Variants in CACNA1I observed in about 807,000 individuals in gnomAD.
CACNA1I encodes the protein voltage-dependent T-type calcium channel subunit alpha-1I.
Under a neutral mutation model 201.6 loss-of-function variants are expected in CACNA1I, and 74 were observed. The observed-to-expected ratio is 0.37, with a 90% CI of 0.30 to 0.45. The LOEUF (loss-of-function observed/expected upper bound fraction) is 0.45. CACNA1I is among the 20% of genes least tolerant of loss of function. The pLI is 1.00. For missense variants in CACNA1I, 2,346 were observed against 3,138.1 expected (o/e 0.75, Z 6.03); for synonymous variants, 1,431 against 1,345.2 (o/e 1.06, Z -1.40).
At position 39,608,733 on chromosome 22, in the gene CACNA1I, T is replaced by C. The variant is rs915036352; in HGVS notation, c.482+8080T>C. On this transcript the variant is annotated intron_variant, in intron 3 of 36. Coordinates refer to ENST00000402142, the MANE Select transcript of CACNA1I (RefSeq NM_021096.4). ...TACTCAGGAGGCTGAGGTGGGAGGA[T>C]TGCTTGAGGCTGGGAGGCGGAGGTT... Among the ~76,000 whole-genome samples the C allele has an allele frequency of 5.9e-5, 9 of 151,770 alleles. No individual in the cohort carries two copies. The East Asian group carries it at 7.8e-4, about 13-fold the overall frequency.
Position 39,629,866 on chromosome 22 carries a change from G to GC in CACNA1I, c.581-4693dup, listed in dbSNP as rs1934008219. 1.3e-5 allele frequency among the ~76,000 whole-genome samples: 2 copies of GC among 152,044 alleles called. No homozygotes were observed. Among genetic ancestry groups the GC allele is most frequent in the Non-Finnish European group, 2.9e-5 (2 of 68,008 alleles). On this transcript the variant is annotated intron_variant, in intron 4 of 36. Transcript: ENST00000402142. The surrounding 1 kb of genome is among the most constrained non-coding windows in gnomAD (Gnocchi z 4.8). ...CTGATGCTCTCTCTCCTCTGCCCTG[G>GC]CCCCCCGCGATCCATTCTCCACCCA...
intron 3 of CACNA1I, among the ~76,000 whole-genome samples, chr22:39,608,591 C>T (rs956956816): frequency 1.3e-5 from 2 of 151,702 alleles, no homozygotes; most frequent in African/African-American, 4.8e-5. Flanking sequence ...GTAATCCCAG[C>T]ACTTTGGCAG....
chr22:39,626,785 C>T (rs1024632813), intron 4 of CACNA1I, among the ~76,000 whole-genome samples: 1 of 152,008 alleles, frequency 6.6e-6, no homozygotes, highest in African/African-American at 2.4e-5. Context: ...TTAGTAGAGA[C>T]GGGGTTTCAC....
rs1039562102 is a variant in CACNA1I at position 39,626,998 on chromosome 22, G to A, written c.581-7567G>A. Among the ~76,000 whole-genome samples the A allele has an allele frequency of 3.9e-5, 6 of 152,326 alleles. No individual in the cohort carries two copies. In the Middle Eastern group the frequency reaches 0.01, roughly 259 times the overall value. ...AGCAGGCAGAGGGGTTGACTAGTCT[G>A]CCCAAGACCACACAGCTGGCTGGGG... On this transcript the variant is annotated intron_variant, in intron 4 of 36. Transcript: ENST00000402142.
Position 39,670,210 on chromosome 22 carries a change from G to A in CACNA1I, c.4367G>A (p.Arg1456His), listed in dbSNP as rs766713729. Residue 1456 changes from arginine to histidine, a missense_variant, in exon 25 of 37, where the codon CGC becomes CAC. Physicochemically the swap from Arg to His is conservative, Grantham distance 29. Coordinates refer to ENST00000402142, the MANE Select transcript of CACNA1I (RefSeq NM_021096.4). ...ARRREEKRLR[R>H]LEKKRRKAQR... ...CGGCGTGAGGAGAAGCGGCTGCGGCGCCTGGAGAAGAAGCGCCGGAGTGAG... is the reference window on the plus strand; with the variant it reads ...CGGCGTGAGGAGAAGCGGCTGCGGCACCTGGAGAAGAAGCGCCGGAGTGAG... 1.4e-5 allele frequency: 23 copies of A among 1,613,058 alleles called. No homozygotes were observed. Among genetic ancestry groups the A allele is most frequent in the African/African-American group, 2.7e-5 (2 of 74,942 alleles).
At position 39,670,943 on chromosome 22, in the gene CACNA1I, A is replaced by C. The variant is rs2146464723; in HGVS notation, c.4528A>C (p.Asn1510His). ...NVVTMSLEHY[N>H]QPTSLETALK... Reference sequence around the variant, plus strand: ...GGTCACCATGTCCCTGGAGCACTACAATCAGCCCACGGTGAGCCCTGGTCT... The same window carrying C: ...GGTCACCATGTCCCTGGAGCACTACCATCAGCCCACGGTGAGCCCTGGTCT... The change falls in exon 26 of 37, where the codon AAT becomes CAT. Residue 1510 changes from asparagine to histidine, a missense_variant. Physicochemically the swap from Asn to His is moderately conservative, Grantham distance 68 (BLOSUM62 1). This residue lies in a region of CACNA1I where 228 missense variants were observed against 395.7 expected (regional missense o/e 0.58). Coordinates refer to ENST00000402142, the MANE Select transcript of CACNA1I (RefSeq NM_021096.4). 2 of 1,613,832 alleles carry C rather than the reference A, an allele frequency of 1.2e-6. No individual in the cohort carries two copies. Among genetic ancestry groups the C allele is most frequent in the East Asian group, 2.2e-5 (1 of 44,866 alleles).
intron 4 of CACNA1I, among the ~76,000 whole-genome samples, chr22:39,627,659 A>G (rs1176664322): frequency 1.3e-5 from 2 of 152,222 alleles, no homozygotes; most frequent in Non-Finnish European, 2.9e-5. Flanking sequence ...GCACCTTGAA[A>G]TAGTTGGCGT....
rs984855780 is a variant in CACNA1I, at chr22:39,629,377, G to A, written c.581-5188G>A. On this transcript the variant is annotated intron_variant, in intron 4 of 36. Transcript: ENST00000402142. The surrounding 1 kb of genome is among the most constrained non-coding windows in gnomAD (Gnocchi z 4.8). Reference sequence around the variant, plus strand: ...GCTCCAGGCCCCAAACCTTGGAGTCGTCCCCAACTGCCCTCTTCCTCCTAC... The same window carrying A: ...GCTCCAGGCCCCAAACCTTGGAGTCATCCCCAACTGCCCTCTTCCTCCTAC... 1.3e-5 allele frequency among the ~76,000 whole-genome samples: 2 copies of A among 151,890 alleles called. No homozygotes were observed. Among genetic ancestry groups the A allele is most frequent in the Non-Finnish European group, 2.9e-5 (2 of 67,986 alleles).
chr22:39,576,574 C>T (rs1489055991), intron 1 of CACNA1I, among the ~76,000 whole-genome samples: 4 of 152,354 alleles, frequency 2.6e-5, no homozygotes, highest in Non-Finnish European at 4.4e-5. Context: ...GGGGCAGTGG[C>T]GCTTCTGCTG....
chr22:39,686,609 C>CATATATATATATATATGTATATATATAT lies in CACNA1I; in HGVS notation c.*221_*222insTATATATATATATATATATATATATATG, dbSNP rs1935888075. On this transcript the variant is annotated 3_prime_UTR_variant, in exon 37 of 37. Coordinates refer to ENST00000402142, the MANE Select transcript of CACNA1I (RefSeq NM_021096.4). ...GTGGCCCTTCCAGTGCATATACATA[C>CATATATATATATATATGTATATATATAT]ATATATATATATATATGCATATATA... The CATATATATATATATATGTATATATATAT allele has an allele frequency of 7.4e-6, 1 of 135,826 alleles. No homozygotes were observed. The highest frequency in any genetic ancestry group is 1.6e-5 in the Non-Finnish European group (1 of 63,588). 8.4% of individuals were successfully genotyped at this position (135,826 alleles called of 1,614,324 possible).
intron 5 of CACNA1I, among the ~76,000 whole-genome samples, chr22:39,638,622 T>C (rs902237533): frequency 5.3e-5 from 8 of 152,236 alleles, no homozygotes; most frequent in Admixed American, 2.0e-4. Flanking sequence ...TTGGCCATTT[T>C]TTATTTCTTC....
intron 4 of CACNA1I, among the ~76,000 whole-genome samples, chr22:39,623,788 GTA>G (rs1933821035): frequency 6.7e-6 from 1 of 149,254 alleles, no homozygotes; most frequent in African/African-American, 2.5e-5. Context: ...GTGGGGGTGT[GTA>G]TGTCTGTGAA....
intron 1 of CACNA1I, among the ~76,000 whole-genome samples, chr22:39,584,478 G>A (rs1932678454): frequency 6.6e-6 from 1 of 152,192 alleles, no homozygotes; most frequent in Non-Finnish European, 1.5e-5. Context: ...CCTGGGGCTG[G>A]GACAGACTTG....
intron 3 of CACNA1I, among the ~76,000 whole-genome samples, chr22:39,612,870 A>T (rs1933424072): frequency 6.6e-6 from 1 of 152,070 alleles, no homozygotes; most frequent in African/African-American, 2.4e-5. Flanking sequence ...CCCTCCACAG[A>T]ACACCTACTG....
intron 7 of CACNA1I, 84 bp from the exon 8 acceptor site, chr22:39,646,485 C>A: frequency 6.8e-7 from 1 of 1,468,674 alleles, no homozygotes; most frequent in African/African-American, 1.4e-5. Context: ...CCCTGCTGTC[C>A]CCACTCCATG....
chr22:39,572,581 TC>T (rs1312694154), intron 1 of CACNA1I, among the ~76,000 whole-genome samples: 1 of 152,038 alleles, frequency 6.6e-6, no homozygotes, highest in African/African-American at 2.4e-5. Context: ...GCTAAGAGCC[TC>T]CCTGCTCCTT....
intron 1 of CACNA1I, among the ~76,000 whole-genome samples, chr22:39,582,147 CAT>C (rs1419151714): frequency 6.6e-6 from 1 of 152,178 alleles, no homozygotes; most frequent in African/African-American, 2.4e-5. Flanking sequence ...GCCCCACACA[CAT>C]GTCACAGTGA....
intron 1 of CACNA1I, 138 bp downstream of exon 1, chr22:39,571,126 T>G: frequency 1.4e-6 from 1 of 730,896 alleles, no homozygotes; most frequent in Non-Finnish European, 2.4e-6. Context: ...TTGGTGGTGG[T>G]GAGCGAGCTC....
intron 5 of CACNA1I, among the ~76,000 whole-genome samples, chr22:39,635,322 GC>G (rs1162017774): frequency 6.6e-6 from 1 of 151,996 alleles, no homozygotes; most frequent in African/African-American, 2.4e-5. Context: ...TGTGCTCGGG[GC>G]TCAGGATGCG....
Sources: gnomAD v4.1 joint callset for allele counts (sites outside exome capture counted in the v4.1 genomes callset) on GRCh38, gnomAD v4.1.1 for gene constraint, gnomAD v4.1.1 regional missense constraint, Gnocchi (gnomAD v3.1) non-coding constraint, MANE v1.5 for transcripts, NCBI Gene and HGNC (gene_info 2026-07-23, HGNC 2026-07-21) for gene names.